The following ERBB4 variants were observed in gnomAD, a reference collection of about 807,000 sequenced individuals.
The protein encoded by ERBB4 is erb-b2 receptor tyrosine kinase 4.
A neutral mutation model predicts 158.0 loss-of-function variants in ERBB4; 42 were observed. The observed-to-expected ratio is 0.27, with a 90% CI of 0.21 to 0.34. The LOEUF is 0.34. Among genes scored for constraint, ERBB4 ranks in the 10% least tolerant of loss-of-function variants. The probability of loss-of-function intolerance (pLI) is 1.00; values close to 1 mark genes in which losing one functional copy is unlikely to be tolerated. For synonymous variants in ERBB4, 583 were observed against 558.7 expected (o/e 1.04, Z -0.61); for missense variants, 1,333 against 1,624.1 (o/e 0.82, Z 3.08).
At chr2:212,265,812 G>A (rs1245805503) in intron 1 of ERBB4, among the ~76,000 whole-genome samples, 1 of 152,010 alleles carries the variant, frequency 6.6e-6, no homozygotes, top group Non-Finnish European at 1.5e-5. Context: ...CTTAAAAGTG[G>A]GTGGTAAATG....
intron 1 of ERBB4, among the ~76,000 whole-genome samples, chr2:212,138,862 T>A (rs1256904420): frequency 1.3e-4 from 20 of 152,180 alleles, no homozygotes; most frequent in Admixed American, 1.3e-3. Context: ...AACGATATGA[T>A]TGAACATGTC....
intron 25 of ERBB4, among the ~76,000 whole-genome samples, chr2:211,393,225 TAGAA>T (rs910488223): frequency 5.9e-5 from 9 of 152,172 alleles, no homozygotes; most frequent in East Asian, 3.9e-4. Context: ...AATTAAGAAA[TAGAA>T]AGAGAAACTA....
At chr2:212,426,369 G>C (rs746462069) in intron 1 of ERBB4, 3 of 426,216 alleles carry the variant, frequency 7.0e-6, no homozygotes, top group Non-Finnish European at 1.4e-5. Context: ...TAGAAAGATG[G>C]TGGTTATACA....
intron 1 of ERBB4, among the ~76,000 whole-genome samples, chr2:212,175,133 A>T (rs756316704): frequency 6.6e-6 from 1 of 152,022 alleles, no homozygotes; most frequent in Non-Finnish European, 1.5e-5. Flanking sequence ...CTTTCTTCTA[A>T]TTTCAGAGAC....
chr2:211,927,715 T>G (rs2080057712), intron 3 of ERBB4, among the ~76,000 whole-genome samples: 1 of 152,054 alleles, frequency 6.6e-6, no homozygotes, highest in Non-Finnish European at 1.5e-5. Context: ...CGCAAAAGTT[T>G]TTTTTTTTAA....
intron 5 of ERBB4, among the ~76,000 whole-genome samples, chr2:211,745,700 C>G (rs1217912900): frequency 6.8e-6 from 1 of 147,798 alleles, no homozygotes; most frequent in Non-Finnish European, 1.5e-5. Flanking sequence ...TTGTGCCCCC[C>G]ACCCTCCACC....
intron 20 of ERBB4, among the ~76,000 whole-genome samples, chr2:211,530,229 A>G (rs1690425969): frequency 6.6e-6 from 1 of 152,156 alleles, no homozygotes; most frequent in Admixed American, 6.5e-5. Flanking sequence ...AGAAGAAATT[A>G]AGAAAGTAAT....
chr2:212,005,023 A>C (rs1473059112), intron 2 of ERBB4, among the ~76,000 whole-genome samples: 3 of 152,136 alleles, frequency 2.0e-5, no homozygotes, highest in Non-Finnish European at 4.4e-5. Flanking sequence ...AGCTATGTTG[A>C]TATTAGCTAT....
intron 20 of ERBB4, among the ~76,000 whole-genome samples, chr2:211,487,401 T>G (rs1169412904): frequency 6.6e-6 from 1 of 152,128 alleles, no homozygotes; most frequent in Non-Finnish European, 1.5e-5. Context: ...ATGTAATCAC[T>G]ACATAATTAT....
At chr2:212,518,176 T>C (rs1368954230) in intron 1 of ERBB4, among the ~76,000 whole-genome samples, 1 of 152,016 alleles carries the variant, frequency 6.6e-6, no homozygotes, top group Admixed American at 6.6e-5. Flanking sequence ...TATAAGCTAA[T>C]TGATAAGGAA....
chr2:211,937,539 A>C lies in ERBB4; in HGVS notation c.421+9891T>G, dbSNP rs2080360416. On this transcript the variant is annotated intron_variant, in intron 3 of 27. Coordinates refer to ENST00000342788, the MANE Select transcript of ERBB4 (RefSeq NM_005235.3). ...ACCCAAGATTGGGTAATTTATAAAG[A>C]TAAGAGATTTAATTGACTCACAGTT... 2.0e-5 allele frequency among the ~76,000 whole-genome samples: 3 copies of C among 152,138 alleles called. No individual in the cohort carries two copies. The South Asian group carries it at 6.2e-4, about 31-fold the overall frequency.
In ERBB4 at chr2:212,013,114, T is replaced by C. The variant is rs544168866; in HGVS notation, c.235-65498A>G. On this transcript the variant is annotated intron_variant, in intron 2 of 27. Transcript: ENST00000342788. ...CTCTGTCGCCCAGGCTGGATTGCAG[T>C]GGCATGATCTCAGCTCATTGCAATC... is the stretch of plus-strand genomic sequence containing the variant. 2.3e-4 allele frequency among the ~76,000 whole-genome samples: 35 copies of C among 151,412 alleles called. No homozygotes were observed. The South Asian group carries it at 6.9e-3, about 30-fold the overall frequency.
intron 1 of ERBB4, among the ~76,000 whole-genome samples, chr2:212,227,791 T>C (rs891815713): frequency 6.6e-6 from 1 of 151,876 alleles, no homozygotes; most frequent in Non-Finnish European, 1.5e-5. Context: ...AGGAGGAGAG[T>C]TTAAATGAAA....
At chr2:211,827,613 G>A (rs529884810) in intron 3 of ERBB4, among the ~76,000 whole-genome samples, 1 of 150,600 alleles carries the variant, frequency 6.6e-6, no homozygotes, top group African/African-American at 2.4e-5. Flanking sequence ...ATGAAAAAAT[G>A]TCAAAAAACT....
chr2:212,506,160 T>A (rs1340229254), intron 1 of ERBB4, among the ~76,000 whole-genome samples: 1 of 148,818 alleles, frequency 6.7e-6, no homozygotes, highest in African/African-American at 2.4e-5. Context: ...ACTATTGTAA[T>A]TGTTTTGAGG....
chr2:212,235,774 A>C (rs989069967), intron 1 of ERBB4, among the ~76,000 whole-genome samples: 2 of 151,862 alleles, frequency 1.3e-5, no homozygotes, highest in African/African-American at 4.8e-5. Flanking sequence ...CTCTTTGTCT[A>C]TTATTGTTTT....
At chr2:211,814,467 G>T (rs1216441486) in intron 3 of ERBB4, among the ~76,000 whole-genome samples, 3 of 151,960 alleles carry the variant, frequency 2.0e-5, no homozygotes, top group African/African-American at 4.8e-5. Flanking sequence ...GTAGCAAATT[G>T]CACAGAAAAT....
intron 2 of ERBB4, among the ~76,000 whole-genome samples, chr2:212,068,600 C>A (rs1169522645): frequency 6.6e-6 from 1 of 151,990 alleles, no homozygotes; most frequent in African/African-American, 2.4e-5. Context: ...TGATGTTAAC[C>A]AATCAATTAC....
chr2:211,395,173 A>ACTAT (rs1201054231), intron 25 of ERBB4, among the ~76,000 whole-genome samples: 2 of 152,120 alleles, frequency 1.3e-5, no homozygotes, highest in South Asian at 2.1e-4. Context: ...TTTAAAGTGG[A>ACTAT]CTATCTTGTT....
Sources: allele counts gnomAD v4.1 joint callset (sites outside exome capture counted in the v4.1 genomes callset), GRCh38; gene constraint gnomAD v4.1.1; transcripts MANE v1.5; gene names NCBI Gene and HGNC (gene_info 2026-07-23, HGNC 2026-07-21).